Variants in TENM3 observed in about 807,000 individuals in gnomAD.
The protein encoded by TENM3 is teneurin transmembrane protein 3.
TENM3 carries 63 observed loss-of-function variants against 255.1 expected under a neutral mutation model. The observed-to-expected ratio is 0.25, with a 90% confidence interval of 0.20 to 0.30. The LOEUF (loss-of-function observed/expected upper bound fraction) is 0.30, where lower values mean the gene tolerates loss of function less well. TENM3 is among the 10% of genes least tolerant of loss of function. TENM3 has a pLI of 1.00. For missense variants in TENM3, 2,929 were observed against 3,461.1 expected (o/e 0.85, Z 3.86); for synonymous variants, 1,306 against 1,322.3 (o/e 0.99, Z 0.27).
chr4:181,564,122 C>G, the TENM3 span, among the ~76,000 whole-genome samples: 1 of 148,190 alleles, frequency 6.7e-6, no homozygotes, highest in African/African-American at 2.5e-5. Flanking sequence ...CTCACTGCAA[C>G]CTCTGCCTCC....
intron 3 of TENM3, among the ~76,000 whole-genome samples, chr4:182,369,764 T>C (rs149412243): frequency 0.031 from 4,786 of 151,942 alleles, 158 homozygotes; most frequent in African/African-American, 0.08. Flanking sequence ...GCCTGTAGTT[T>C]CAGCTACTCG....
At chr4:182,623,904 C>G (rs1425513812) in intron 4 of TENM3, among the ~76,000 whole-genome samples, 3 of 152,186 alleles carry the variant, frequency 2.0e-5, no homozygotes, top group Non-Finnish European at 2.9e-5. Context: ...AGAAGTAATT[C>G]CGCTTCTTAG....
the TENM3 span, among the ~76,000 whole-genome samples, chr4:182,135,120 C>T: frequency 3.4e-5 from 5 of 145,266 alleles, no homozygotes; most frequent in Admixed American, 7.2e-5. Flanking sequence ...GGAGGAGAAT[C>T]GCTGGAACCC....
At position 182,364,298 on chromosome 4, in the gene TENM3, C is replaced by G. The variant is rs28744419; in HGVS notation, c.511+17369C>G. Among the ~76,000 whole-genome samples the G allele has an allele frequency of 5.5e-3, 833 of 152,228 alleles. 9 individuals carry two copies. The highest frequency in any genetic ancestry group is 0.019 in the African/African-American group (796 of 41,540). On this transcript the variant is annotated intron_variant, in intron 3 of 27. Coordinates refer to ENST00000511685, the MANE Select transcript of TENM3 (RefSeq NM_001080477.4). ...ATGTTTATTGGGCAACACAGATAAGCAGATGGATAATAAACACTAGTTTCT... is the reference window on the plus strand; with the variant it reads ...ATGTTTATTGGGCAACACAGATAAGGAGATGGATAATAAACACTAGTTTCT...
chr4:182,738,220 C>A (rs1048149739), intron 17 of TENM3, among the ~76,000 whole-genome samples, 181 bp from the exon 18 acceptor site: 1 of 151,794 alleles, frequency 6.6e-6, no homozygotes, highest in Non-Finnish European at 1.5e-5. Context: ...ATTTGGAGAT[C>A]TTTTTTTAAA....
chr4:182,234,607 C>G (rs568111478), intron 1 of TENM3, among the ~76,000 whole-genome samples: 1 of 152,206 alleles, frequency 6.6e-6, no homozygotes, highest in South Asian at 2.1e-4. Context: ...TGGCAGGCCC[C>G]TGTAATCCCA....
chr4:181,690,240 GCACACA>G, the TENM3 span, among the ~76,000 whole-genome samples: 2 of 150,450 alleles, frequency 1.3e-5, no homozygotes, highest in African/African-American at 2.4e-5. Flanking sequence ...GCGTGAGCGT[GCACACA>G]CACACACACA....
intron 1 of TENM3, among the ~76,000 whole-genome samples, chr4:182,264,443 T>C (rs948748585): frequency 6.6e-6 from 1 of 152,230 alleles, no homozygotes; most frequent in African/African-American, 2.4e-5. Context: ...GGAACAGGAA[T>C]TTGAGGGTTC....
intron 2 of TENM3, among the ~76,000 whole-genome samples, chr4:182,335,410 G>A (rs1368801496): frequency 1.4e-5 from 2 of 138,988 alleles, no homozygotes; most frequent in African/African-American, 5.2e-5. Context: ...CAGGAGAATG[G>A]CGTGAACCCG....
chr4:181,957,249 T>C, the TENM3 span, among the ~76,000 whole-genome samples: 1 of 152,216 alleles, frequency 6.6e-6, no homozygotes, highest in Non-Finnish European at 1.5e-5. Context: ...TGGACATTAC[T>C]GTGTACAATG....
chr4:181,458,038 C>G, the TENM3 span, among the ~76,000 whole-genome samples: 2 of 151,816 alleles, frequency 1.3e-5, no homozygotes, highest in Non-Finnish European at 2.9e-5. Context: ...TTTAAAAGAA[C>G]TAGTGGAGTT....
rs373360836 is a variant in TENM3 at position 182,639,733 on chromosome 4, C to T, written c.988+10844C>T. Among the ~76,000 whole-genome samples, 33 of 152,254 alleles carry T rather than the reference C, an allele frequency of 2.2e-4. 1 individual carries two copies. The South Asian group carries it at 6.0e-3, about 28-fold the overall frequency. ...TATTTTCTTATGTCAGATTATGTCA[C>T]GAGGAAGGTCTCAGCAGATGTTAGC... On this transcript the variant is annotated intron_variant, in intron 5 of 27. Transcript: ENST00000511685.
the TENM3 span, among the ~76,000 whole-genome samples, chr4:181,935,623 CTA>C: frequency 6.6e-6 from 1 of 152,188 alleles, no homozygotes; most frequent in Non-Finnish European, 1.5e-5. Flanking sequence ...TGACCTCTCT[CTA>C]TTGGATACAA....
the TENM3 span, among the ~76,000 whole-genome samples, chr4:182,051,558 T>C: frequency 6.6e-6 from 1 of 151,848 alleles, no homozygotes; most frequent in Admixed American, 6.6e-5. Context: ...TTTGTATTTT[T>C]AGTAGAGATG....
At chr4:182,727,299 T>G (rs576139067) in intron 13 of TENM3, among the ~76,000 whole-genome samples, 35 of 151,876 alleles carry the variant, frequency 2.3e-4, no homozygotes, top group African/African-American at 7.7e-4. Flanking sequence ...CTACTAAAAA[T>G]ACAAAAATTA....
intron 1 of TENM3, among the ~76,000 whole-genome samples, chr4:182,293,686 G>A (rs888612038): frequency 1.3e-5 from 2 of 151,950 alleles, no homozygotes; most frequent in Admixed American, 6.6e-5. Flanking sequence ...TTTGACTTTC[G>A]CCGTATCCTT....
the TENM3 span, among the ~76,000 whole-genome samples, chr4:181,922,166 G>A: frequency 1.8e-4 from 28 of 152,164 alleles, no homozygotes; most frequent in African/African-American, 5.6e-4. Context: ...TTGAATCAAT[G>A]TTCATCAAAT....
the TENM3 span, among the ~76,000 whole-genome samples, chr4:181,579,933 AATTTTATTTT>A: frequency 0.099 from 12,536 of 126,246 alleles, 769 homozygotes; most frequent in Middle Eastern, 0.17. Context: ...AAGTACCTAC[AATTTTATTTT>A]ATTTTATTTT....
intron 3 of TENM3, among the ~76,000 whole-genome samples, chr4:182,564,583 T>C (rs1198346608): frequency 1.4e-4 from 6 of 42,532 alleles, no homozygotes; most frequent in Admixed American, 6.8e-4. Flanking sequence ...TTTGTTTTGT[T>C]TTTTTTTTTT....
Sources: allele counts gnomAD v4.1 joint callset (sites outside exome capture counted in the v4.1 genomes callset), GRCh38; gene constraint gnomAD v4.1.1; transcripts MANE v1.5; gene names NCBI Gene and HGNC (gene_info 2026-07-23, HGNC 2026-07-21).